Variants in DOCK4 observed in about 807,000 individuals in gnomAD.
DOCK4 encodes the protein dedicator of cytokinesis protein 4.
DOCK4 carries 97 observed loss-of-function variants against 268.1 expected under a neutral mutation model. The observed-to-expected ratio is 0.36, with a 90% CI of 0.31 to 0.43. The LOEUF is 0.43. Ranked by LOEUF, DOCK4 falls within the 20% of genes least tolerant of loss-of-function variation. DOCK4 has a pLI of 1.00. For missense variants in DOCK4, 2,145 were observed against 2,455.7 expected (o/e 0.87, Z 2.67); for synonymous variants, 954 against 887.2 (o/e 1.08, Z -1.34).
rs758024328 is a variant in DOCK4 at position 111,778,266 on chromosome 7, A to G, written c.3679+10T>C. On this transcript the variant is annotated intron_variant, in intron 36 of 52. Transcript: ENST00000428084. ...CTCCCTTCCCAATCTGAGCCAAAAG[A>G]CAGAATTACCTGTAAAGTTCTGTGC... 1.1e-5 allele frequency: 18 copies of G among 1,597,680 alleles called. No individual in the cohort carries two copies. The African/African-American group carries it at 1.2e-4, about 11-fold the overall frequency.
At chr7:112,123,540 T>C (rs1812939130) in intron 1 of DOCK4, among the ~76,000 whole-genome samples, 1 of 152,210 alleles carries the variant, frequency 6.6e-6, no homozygotes, top group Non-Finnish European at 1.5e-5. Context: ...ATTTCAATCA[T>C]TCAAGCAAAG....
At chr7:111,913,320 A>C (rs1004070718) in intron 13 of DOCK4, among the ~76,000 whole-genome samples, 3 of 151,980 alleles carry the variant, frequency 2.0e-5, no homozygotes, top group Non-Finnish European at 4.4e-5. Flanking sequence ...CTATCATCCA[A>C]GCATTTTGGG....
chr7:112,205,515 G>C (rs568445010), intron 1 of DOCK4, among the ~76,000 whole-genome samples: 9 of 152,230 alleles, frequency 5.9e-5, no homozygotes, highest in African/African-American at 2.2e-4. Flanking sequence ...ATCCGGGATC[G>C]CAGAGAGGGA....
At chr7:112,112,105 C>T (rs1052444251) in intron 1 of DOCK4, among the ~76,000 whole-genome samples, 2 of 152,154 alleles carry the variant, frequency 1.3e-5, no homozygotes, top group Admixed American at 6.5e-5. Context: ...TGTGTCCCCT[C>T]CAAATCTCAT....
intron 1 of DOCK4, among the ~76,000 whole-genome samples, chr7:112,149,205 G>A (rs1815807647): frequency 6.6e-6 from 1 of 152,156 alleles, no homozygotes; most frequent in African/African-American, 2.4e-5. Context: ...CCCTTCCCAG[G>A]CTCTGGAAGA....
intron 25 of DOCK4, among the ~76,000 whole-genome samples, chr7:111,844,105 T>A (rs1803903230): frequency 6.6e-6 from 1 of 152,106 alleles, no homozygotes; most frequent in Non-Finnish European, 1.5e-5. Flanking sequence ...TGAAACTCTG[T>A]CTGTATTAAA....
intron 30 of DOCK4, among the ~76,000 whole-genome samples, chr7:111,805,456 A>G (rs1800605061): frequency 6.6e-6 from 1 of 152,234 alleles, no homozygotes; most frequent in South Asian, 2.1e-4. Flanking sequence ...TAATTTTAGA[A>G]TTATAAAATA....
intron 44 of DOCK4, among the ~76,000 whole-genome samples, chr7:111,744,828 T>C (rs1796159267): frequency 6.6e-6 from 1 of 152,156 alleles, no homozygotes; most frequent in Non-Finnish European, 1.5e-5. Context: ...GTAATTCTTC[T>C]CTCTCTTCTG....
intron 15 of DOCK4, 139 bp downstream of exon 15, chr7:111,900,235 G>C: frequency 9.0e-7 from 1 of 1,111,576 alleles, no homozygotes; most frequent in Non-Finnish European, 1.3e-6. Flanking sequence ...TCCCCTTTCT[G>C]GCTAATCTTT....
In DOCK4 at chr7:111,863,449, T is replaced by C; in HGVS notation, c.2396A>G (p.His799Arg). The C allele has an allele frequency of 6.2e-7, 1 of 1,614,038 alleles. No homozygotes were observed. The highest frequency in any genetic ancestry group is 8.5e-7 in the Non-Finnish European group (1 of 1,179,898). ...GATGGCCTGCAGGGAATCATCCACA[T>C]GCAGGATGGTCGGCAGACTGCCCAG... ...DTLGSLPTIL[H>R]VDDSLQAIKL... is the part of the protein sequence containing the mutation. The change falls in exon 23 of 53, where the codon CAT (histidine) becomes CGT (arginine). Residue 799 changes from histidine (H) to arginine (R), a missense_variant. His to Arg is a conservative substitution (Grantham distance 29). This residue lies in a region of DOCK4 where 1,598 missense variants were observed against 1,986.7 expected (regional missense o/e 0.80). Transcript: ENST00000428084.
intron 30 of DOCK4, among the ~76,000 whole-genome samples, chr7:111,802,481 G>A (rs907666431): frequency 1.3e-5 from 2 of 152,144 alleles, no homozygotes; most frequent in African/African-American, 2.4e-5. Flanking sequence ...TGTGAAAAAA[G>A]GGGGATGGAA....
chr7:112,110,626 A>G (rs770687701), intron 1 of DOCK4, among the ~76,000 whole-genome samples: 2 of 152,202 alleles, frequency 1.3e-5, no homozygotes, highest in Non-Finnish European at 2.9e-5. Flanking sequence ...TCATCCAGGA[A>G]TCTCTGAGCC....
chr7:111,823,316 C>T (rs1312901357), intron 26 of DOCK4, among the ~76,000 whole-genome samples: 3 of 150,146 alleles, frequency 2.0e-5, no homozygotes, highest in Non-Finnish European at 4.4e-5. Context: ...AAGCCATTCT[C>T]CTGCCTCAGC....
In DOCK4 at chr7:111,726,348, A is replaced by T. The variant is rs1445573588; in HGVS notation, c.*1926T>A. ...CAAGCACTAGTCAACAAATCTATTA[A>T]ATTACACAGGAAAAGGAAATCAAGG... On this transcript the variant is annotated 3_prime_UTR_variant, in exon 53 of 53. Coordinates refer to ENST00000428084, the MANE Select transcript of DOCK4 (RefSeq NM_001363540.2). 1 of 152,652 alleles carries T rather than the reference A, an allele frequency of 6.6e-6. No homozygotes were observed. The highest frequency in any genetic ancestry group is 1.9e-4 in the East Asian group (1 of 5,198). The allele number at this position is 152,652 out of a possible 1,614,324, so 9.5% of individuals were successfully genotyped here.
chr7:112,174,636 T>C (rs1235305831), intron 1 of DOCK4, among the ~76,000 whole-genome samples: 1 of 152,090 alleles, frequency 6.6e-6, no homozygotes, highest in Non-Finnish European at 1.5e-5. Context: ...ACAGTAAGTA[T>C]TATTGTTACT....
At chr7:111,976,140 C>CA (rs1166982968) in intron 8 of DOCK4, among the ~76,000 whole-genome samples, 88 of 28,946 alleles carry the variant, frequency 3.0e-3, no homozygotes, top group African/African-American at 6.8e-3. Flanking sequence ...GACTCCATCT[C>CA]AAAAAAAAAA....
At chr7:112,141,758 G>A (rs998874334) in intron 1 of DOCK4, among the ~76,000 whole-genome samples, 3 of 152,138 alleles carry the variant, frequency 2.0e-5, no homozygotes, top group Admixed American at 1.3e-4. Context: ...TGGTGCAAAT[G>A]TCTGTTGGAC....
intron 42 of DOCK4, among the ~76,000 whole-genome samples, chr7:111,748,022 T>C (rs897173471): frequency 2.6e-5 from 4 of 152,212 alleles, no homozygotes; most frequent in African/African-American, 7.2e-5. Context: ...CAGGATCTAT[T>C]TGTTGGAGAG....
chr7:112,108,093 A>G (rs1811291518), intron 1 of DOCK4, among the ~76,000 whole-genome samples: 1 of 152,202 alleles, frequency 6.6e-6, no homozygotes, highest in East Asian at 1.9e-4. Flanking sequence ...AACACACACA[A>G]AAGTTCTGAG....
Sources: gnomAD v4.1 joint callset for allele counts (sites outside exome capture counted in the v4.1 genomes callset) on GRCh38, gnomAD v4.1.1 for gene constraint, gnomAD v4.1.1 regional missense constraint, MANE v1.5 for transcripts, NCBI Gene and HGNC (gene_info 2026-07-23, HGNC 2026-07-21) for gene names.